KCNG2: variants seen among roughly 807,000 people sequenced by gnomAD.
The protein encoded by KCNG2 is potassium voltage-gated channel modifier subfamily G member 2.
In KCNG2, 7 loss-of-function variants were observed where a neutral mutation model predicts 12.3. That is an observed-to-expected ratio of 0.57 (90% CI 0.32 to 1.07). KCNG2 has a LOEUF of 1.07. Among genes scored for constraint, KCNG2 ranks in the 50% least tolerant of loss-of-function variants. The pLI is 0.04. For synonymous variants in KCNG2, 414 were observed against 351.4 expected, an observed-to-expected ratio of 1.18 and a Z score of -1.99; for missense variants, 703 against 726.0, an observed-to-expected ratio of 0.97 and a Z score of 0.36.
intron 1 of KCNG2, among the ~76,000 whole-genome samples, chr18:79,799,174 G>A (rs1027111319): frequency 7.9e-5 from 12 of 152,242 alleles, no homozygotes. Flanking sequence ...GGAGATCTCA[G>A]AGTGATTAAG....
chr18:79,874,775 G>A (rs905092498), intron 3 of KCNG2, among the ~76,000 whole-genome samples: 7 of 152,194 alleles, frequency 4.6e-5, no homozygotes, highest in Non-Finnish European at 8.8e-5. Context: ...GCGGTGGTGG[G>A]AGAGCTTCCA....
At chr18:79,831,718 ACAGAGCCTTCATCAGGAGGGTTCCCTGCG>A (rs1165068668) in intron 1 of KCNG2, among the ~76,000 whole-genome samples, 56 of 68,240 alleles carry the variant, frequency 8.2e-4, no homozygotes, top group African/African-American at 3.0e-3. Context: ...TTCCCTGCGG[ACAGAGCCTTCATCAGGAGGGTTCCCTGCG>A]GACAGAGCCT....
Position 79,800,008 on chromosome 18 carries a change from C to A in KCNG2, c.-115+1994C>A, listed in dbSNP as rs567422312. Among the ~76,000 whole-genome samples, 5 of 152,350 alleles carry A rather than the reference C, an allele frequency of 3.3e-5. No homozygotes were observed. In the South Asian group the frequency reaches 1.0e-3, roughly 32 times the overall value. On this transcript the variant is annotated intron_variant, in intron 1 of 3. Transcript: ENST00000316249. The surrounding 1 kb of genome is among the most constrained non-coding windows in gnomAD (Gnocchi z 4.0). ...TCTGAATGTCTCGGGAGGATCTGCGCAGCTTTGTTGTTCTTTTGTCTGATG... is the reference window on the plus strand; with the variant it reads ...TCTGAATGTCTCGGGAGGATCTGCGAAGCTTTGTTGTTCTTTTGTCTGATG...
chr18:79,800,106 T>C lies in KCNG2; in HGVS notation c.-115+2092T>C, dbSNP rs1159443396. Reference sequence around the variant, plus strand: ...GAGGGCAGCGCGAACGGAGGGCTGTTTGTCGTGGGAGGCGCGTCTCTCTGC... The same window carrying C: ...GAGGGCAGCGCGAACGGAGGGCTGTCTGTCGTGGGAGGCGCGTCTCTCTGC... On this transcript the variant is annotated intron_variant, in intron 1 of 3. Coordinates refer to ENST00000316249, the MANE Select transcript of KCNG2 (RefSeq NM_012283.2). This position sits in a 1 kb window ranked among gnomAD's most constrained non-coding sequence, Gnocchi z 4.0. 6.6e-6 allele frequency among the ~76,000 whole-genome samples: 1 copy of C among 152,034 alleles called. No individual in the cohort carries two copies. The highest frequency in any genetic ancestry group is 1.5e-5 in the Non-Finnish European group (1 of 67,994).
intron 3 of KCNG2, among the ~76,000 whole-genome samples, chr18:79,896,037 C>T (rs1980963540): frequency 6.6e-6 from 1 of 152,216 alleles, no homozygotes; most frequent in Admixed American, 6.5e-5. Flanking sequence ...ACAATCTCTG[C>T]TCACTGCAGC....
intron 3 of KCNG2, among the ~76,000 whole-genome samples, chr18:79,895,271 G>C (rs1980923458): frequency 6.6e-6 from 1 of 151,130 alleles, no homozygotes; most frequent in Non-Finnish European, 1.5e-5. Flanking sequence ...TATATAGTTG[G>C]GTCTGTTTCT....
intron 3 of KCNG2, among the ~76,000 whole-genome samples, chr18:79,874,635 C>T (rs564930834): frequency 2.0e-5 from 3 of 152,364 alleles, no homozygotes; most frequent in East Asian, 3.9e-4. Context: ...AGATGGCAGC[C>T]GTCTGTCTGC....
At chr18:79,844,891 G>A (rs1978571809) in intron 1 of KCNG2, among the ~76,000 whole-genome samples, 1 of 152,182 alleles carries the variant, frequency 6.6e-6, no homozygotes, top group South Asian at 2.1e-4. Context: ...AGGGGGAAAA[G>A]GATAAATTGA....
At chr18:79,842,137 G>A (rs1174161458) in intron 1 of KCNG2, among the ~76,000 whole-genome samples, 4 of 152,160 alleles carry the variant, frequency 2.6e-5, no homozygotes, top group Non-Finnish European at 5.9e-5. Context: ...GCCTACCCCA[G>A]CACAAGGGTG....
chr18:79,887,384 T>C (rs1325401451), intron 3 of KCNG2, among the ~76,000 whole-genome samples: 1 of 152,040 alleles, frequency 6.6e-6, no homozygotes, highest in Admixed American at 6.5e-5. Flanking sequence ...GCCACGGGGC[T>C]GCCTTGGGGC....
intron 2 of KCNG2, among the ~76,000 whole-genome samples, chr18:79,862,222 T>C (rs1428960779): frequency 6.6e-6 from 1 of 152,262 alleles, no homozygotes; most frequent in Non-Finnish European, 1.5e-5. Context: ...TTTTAATAAG[T>C]GGCAGTTCTG....
chr18:79,899,782 C>A lies in KCNG2; in HGVS notation c.1367C>A (p.Ser456Tyr). ...GACAGCGCGGGCCTGGCCGACGACT[C>A]CGCGGATGCGCTGTGGGTGCGGGCA... The part of the protein sequence containing the change: ...GPDSAGLADD[S>Y]ADALWVRAGR Residue 456 changes from serine to tyrosine, a missense_variant, in exon 4 of 4, where the codon TCC (serine) becomes TAC (tyrosine). Coordinates refer to ENST00000316249, the MANE Select transcript of KCNG2 (RefSeq NM_012283.2). 1.4e-6 allele frequency: 2 copies of A among 1,467,048 alleles called. No homozygotes were observed. The highest frequency in any genetic ancestry group is 2.7e-5 in the Admixed American group (1 of 37,646). The allele number at this position is 1,467,048 out of a possible 1,614,324, so 90.9% of individuals were successfully genotyped here.
At position 79,884,870 on chromosome 18, in the gene KCNG2, G is replaced by A. The variant is rs1432957172; in HGVS notation, c.625-14170G>A. On this transcript the variant is annotated intron_variant, in intron 3 of 3. Transcript: ENST00000316249. The surrounding 1 kb of genome is among the most constrained non-coding windows in gnomAD (Gnocchi z 5.5). ...TTCACAGAAACACAGTAGCGTGCGC[G>A]GGTCGGTGATGCAGCCAAGACACCA... Among the ~76,000 whole-genome samples the A allele has an allele frequency of 4.6e-5, 7 of 152,158 alleles. No individual in the cohort carries two copies. The highest frequency in any genetic ancestry group is 2.1e-4 in the South Asian group (1 of 4,832).
intron 3 of KCNG2, among the ~76,000 whole-genome samples, chr18:79,864,564 G>A (rs1979383201): frequency 6.6e-6 from 1 of 152,232 alleles, no homozygotes; most frequent in African/African-American, 2.4e-5. Flanking sequence ...GCAGCATCCG[G>A]TCCACAGGCC....
chr18:79,799,295 C>G (rs1311085590), intron 1 of KCNG2, among the ~76,000 whole-genome samples: 1 of 152,190 alleles, frequency 6.6e-6, no homozygotes, highest in East Asian at 1.9e-4. Context: ...TGCTGAGAGT[C>G]CAGGAGGCTT....
At chr18:79,888,545 G>A (rs1300879008) in intron 3 of KCNG2, among the ~76,000 whole-genome samples, 1 of 151,692 alleles carries the variant, frequency 6.6e-6, no homozygotes, top group African/African-American at 2.4e-5. Flanking sequence ...ATGAGGCCGC[G>A]GTGGGGCTGG....
At chr18:79,858,547 G>T (rs747736215) in intron 2 of KCNG2, among the ~76,000 whole-genome samples, 13 of 152,180 alleles carry the variant, frequency 8.5e-5, no homozygotes, top group Admixed American at 2.0e-4. Context: ...AAGTTTTTGT[G>T]TGAACACATG....
intron 3 of KCNG2, among the ~76,000 whole-genome samples, chr18:79,866,386 C>A (rs1979549075): frequency 9.6e-6 from 1 of 103,796 alleles, no homozygotes; most frequent in Admixed American, 1.0e-4. Flanking sequence ...GGTCTGGGTG[C>A]TGAGAGGTCT....
At chr18:79,873,951 G>A (rs887915368) in intron 3 of KCNG2, among the ~76,000 whole-genome samples, 1 of 152,232 alleles carries the variant, frequency 6.6e-6, no homozygotes, top group Non-Finnish European at 1.5e-5. Context: ...AGTCAGACAC[G>A]TTTCGGGCCA....
Sources: gnomAD v4.1 joint callset for allele counts (sites outside exome capture counted in the v4.1 genomes callset) on GRCh38, gnomAD v4.1.1 for gene constraint, Gnocchi (gnomAD v3.1) non-coding constraint, MANE v1.5 for transcripts, NCBI Gene and HGNC (gene_info 2026-07-23, HGNC 2026-07-21) for gene names.